AGBL1: variants seen among roughly 807,000 people sequenced by gnomAD.
AGBL1 encodes the protein AGBL carboxypeptidase 1, also known as cytosolic carboxypeptidase 4.
In AGBL1, 130 loss-of-function variants were observed where a neutral mutation model predicts 118.9. The ratio of observed to expected loss-of-function variants is 1.09; its 90% confidence interval spans 0.95 to 1.26. The LOEUF (loss-of-function observed/expected upper bound fraction) is 1.26. AGBL1 is among the 50% of genes most tolerant of loss of function. The probability of loss-of-function intolerance (pLI) is 0.00; values close to 1 mark genes in which losing one functional copy is unlikely to be tolerated. For missense variants in AGBL1, 1,584 were observed against 1,298.1 expected, an observed-to-expected ratio of 1.22 and a Z score of -3.38; for synonymous variants, 555 against 478.9, an observed-to-expected ratio of 1.16 and a Z score of -2.08.
At chr15:86,645,934 T>G (rs1315256862) in intron 21 of AGBL1, among the ~76,000 whole-genome samples, 1 of 152,206 alleles carries the variant, frequency 6.6e-6, no homozygotes, top group African/African-American at 2.4e-5. Flanking sequence ...TTCCTCAGCT[T>G]GCTTTTCAGG....
At chr15:86,380,467 C>G (rs1431956765) in intron 17 of AGBL1, among the ~76,000 whole-genome samples, 2 of 149,768 alleles carry the variant, frequency 1.3e-5, no homozygotes, top group African/African-American at 4.9e-5. Context: ...TTCCTTTTTT[C>G]CTCCCTCCCT....
intron 18 of AGBL1, among the ~76,000 whole-genome samples, chr15:86,479,712 T>G (rs1190839498): frequency 6.6e-6 from 1 of 152,200 alleles, no homozygotes; most frequent in Non-Finnish European, 1.5e-5. Flanking sequence ...AAATACCATT[T>G]GACCCAGCCA....
At chr15:86,378,928 T>C (rs1336289850) in intron 17 of AGBL1, among the ~76,000 whole-genome samples, 1 of 151,972 alleles carries the variant, frequency 6.6e-6, no homozygotes, top group Non-Finnish European at 1.5e-5. Context: ...TTTTCTTTTT[T>C]TGAGATGGAG....
chr15:86,187,307 CA>C (rs971446014), intron 5 of AGBL1, among the ~76,000 whole-genome samples: 2 of 152,064 alleles, frequency 1.3e-5, no homozygotes, highest in Non-Finnish European at 2.9e-5. Flanking sequence ...AATGAAATTC[CA>C]AAATACAACA....
intron 17 of AGBL1, among the ~76,000 whole-genome samples, chr15:86,361,867 T>C (rs1335666761): frequency 6.6e-6 from 1 of 152,160 alleles, no homozygotes; most frequent in African/African-American, 2.4e-5. Context: ...ATAGGCAGCA[T>C]ATTGTTGCAT....
intron 22 of AGBL1, among the ~76,000 whole-genome samples, chr15:86,820,880 C>A (rs528961540): frequency 6.6e-6 from 1 of 152,030 alleles, no homozygotes; most frequent in Non-Finnish European, 1.5e-5. Flanking sequence ...CACATGCACA[C>A]GTATATTTAT....
At chr15:86,108,578 TG>T (rs1274872311) in intron 1 of AGBL1, among the ~76,000 whole-genome samples, 1 of 152,138 alleles carries the variant, frequency 6.6e-6, no homozygotes, top group African/African-American at 2.4e-5. Flanking sequence ...TACGTTTAGG[TG>T]CTCCAGTTTC....
intron 17 of AGBL1, among the ~76,000 whole-genome samples, chr15:86,374,581 G>A (rs569055956): frequency 2.0e-5 from 3 of 152,326 alleles, no homozygotes; most frequent in African/African-American, 4.8e-5. Context: ...GTGGAATGGA[G>A]TGAGCTAGGT....
At chr15:86,532,187 A>C (rs2083359250) in intron 19 of AGBL1, among the ~76,000 whole-genome samples, 1 of 150,246 alleles carries the variant, frequency 6.7e-6, no homozygotes, top group Non-Finnish European at 1.5e-5. Context: ...TTTGCAGACA[A>C]CATGATTGTT....
intron 17 of AGBL1, among the ~76,000 whole-genome samples, chr15:86,395,037 A>G (rs972716328): frequency 7.2e-5 from 11 of 152,156 alleles, no homozygotes; most frequent in African/African-American, 2.7e-4. Flanking sequence ...TAATATCATA[A>G]GCACTTGCAC....
At chr15:86,696,378 T>G (rs1442533892) in intron 22 of AGBL1, among the ~76,000 whole-genome samples, 1 of 152,030 alleles carries the variant, frequency 6.6e-6, no homozygotes, top group Non-Finnish European at 1.5e-5. Flanking sequence ...AAAGTTTGTT[T>G]CATCTGATAT....
At chr15:86,640,889 T>C (rs1359552412) in intron 21 of AGBL1, among the ~76,000 whole-genome samples, 1 of 152,118 alleles carries the variant, frequency 6.6e-6, no homozygotes, top group East Asian at 1.9e-4. Context: ...CAATGAATAA[T>C]ATTAATTTAA....
intron 18 of AGBL1, among the ~76,000 whole-genome samples, chr15:86,521,296 A>T (rs1287812170): frequency 3.9e-5 from 6 of 152,180 alleles, no homozygotes; most frequent in African/African-American, 1.4e-4. Context: ...TTCAAACAAA[A>T]CAAAACAGAA....
chr15:86,329,992 T>A (rs897140980), intron 17 of AGBL1, among the ~76,000 whole-genome samples: 1 of 152,216 alleles, frequency 6.6e-6, no homozygotes, highest in African/African-American at 2.4e-5. Flanking sequence ...TAGGAGGTTT[T>A]CCAGATTCAG....
In AGBL1 at chr15:86,369,333, A is replaced by G. The variant is rs558076432; in HGVS notation, c.2375-28033A>G. On this transcript the variant is annotated intron_variant, in intron 17 of 22. Transcript: ENST00000614907. ...TAAAATATGTTAAAATTTTTGTCAT[A>G]TTTTGGGGAGTGCAGATGCATTGTA... Among the ~76,000 whole-genome samples, 16 of 152,288 alleles carry G rather than the reference A, an allele frequency of 1.1e-4. 1 individual carries two copies. The South Asian group carries it at 2.1e-3, about 20-fold the overall frequency.
intron 17 of AGBL1, among the ~76,000 whole-genome samples, chr15:86,380,559 G>C (rs12901926): frequency 0.4 from 57,247 of 141,764 alleles, 12,589 homozygotes; most frequent in East Asian, 0.68. Flanking sequence ...TTCTTCCTCC[G>C]TCCCTTTCCC....
Position 86,474,443 on chromosome 15 carries a change from C to T in AGBL1, c.2556-48367C>T, listed in dbSNP as rs138376212. 3.4e-3 allele frequency among the ~76,000 whole-genome samples: 519 copies of T among 152,338 alleles called. 6 individuals are homozygous for T. Among genetic ancestry groups the T allele is most frequent in the African/African-American group, 0.012 (497 of 41,584 alleles). On this transcript the variant is annotated intron_variant, in intron 18 of 22. Coordinates refer to ENST00000614907, the MANE Select transcript of AGBL1 (RefSeq NM_001386094.1). ...AGGAAATTATATCCCGTGCCTGGCT[C>T]AGAGGGTCCCACACCCACGGAGCCT... is the stretch of plus-strand genomic sequence containing the variant.
chr15:86,932,737 G>A (rs149807225), intron 23 of AGBL1: 56 of 152,142 alleles, frequency 3.7e-4, no homozygotes, highest in African/African-American at 1.3e-3. Flanking sequence ...CCATATAATG[G>A]CCCATTATGA....
intron 19 of AGBL1, among the ~76,000 whole-genome samples, chr15:86,526,544 G>GTA (rs1555422465): frequency 0.25 from 30,006 of 118,940 alleles, 3,834 homozygotes; most frequent in Middle Eastern, 0.39. Flanking sequence ...TTGTGTCTGT[G>GTA]TATATATATA....
Sources: allele counts gnomAD v4.1 joint callset (sites outside exome capture counted in the v4.1 genomes callset), GRCh38; gene constraint gnomAD v4.1.1; transcripts MANE v1.5; gene names NCBI Gene and HGNC (gene_info 2026-07-23, HGNC 2026-07-21).